The following TASP1 variants were observed in gnomAD, a reference collection of about 807,000 sequenced individuals.
TASP1 encodes the protein threonine aspartase 1.
TASP1 carries 16 observed loss-of-function variants against 56.6 expected under a neutral mutation model. The ratio of observed to expected loss-of-function variants is 0.28; its 90% CI spans 0.19 to 0.43. The LOEUF (loss-of-function observed/expected upper bound fraction) is 0.43. Among genes scored for constraint, TASP1 ranks in the 20% least tolerant of loss-of-function variants. TASP1 has a pLI of 1.00. For missense variants in TASP1, 393 were observed against 511.6 expected, an observed-to-expected ratio of 0.77 and a Z score of 2.24; for synonymous variants, 179 against 184.2, an observed-to-expected ratio of 0.97 and a Z score of 0.23.
At chr20:13,230,808 A>G in the TASP1 span, among the ~76,000 whole-genome samples, 8 of 152,204 alleles carry the variant, frequency 5.3e-5, no homozygotes, top group Admixed American at 5.2e-4. Flanking sequence ...ACCTTATACA[A>G]TTCCTTTTTA....
At chr20:13,249,733 G>A in the TASP1 span, among the ~76,000 whole-genome samples, 2 of 152,308 alleles carry the variant, frequency 1.3e-5, no homozygotes, top group South Asian at 4.1e-4. Context: ...GCCAAAGGAA[G>A]TACTTCTCCT....
chr20:13,345,688 G>C, the TASP1 span, among the ~76,000 whole-genome samples: 1 of 151,872 alleles, frequency 6.6e-6, no homozygotes, highest in Non-Finnish European at 1.5e-5. Flanking sequence ...AATGGCCCCT[G>C]GCACTGGAAT....
intron 4 of TASP1, among the ~76,000 whole-genome samples, chr20:13,618,925 T>C (rs959497953): frequency 2.0e-5 from 3 of 152,074 alleles, no homozygotes; most frequent in Non-Finnish European, 4.4e-5. Flanking sequence ...TGGAGTGCAG[T>C]GGCACAGTCT....
chr20:13,297,358 C>T, the TASP1 span, among the ~76,000 whole-genome samples: 2 of 152,172 alleles, frequency 1.3e-5, no homozygotes, highest in Admixed American at 1.3e-4. Context: ...CAGTTCCTTA[C>T]AGTGGTTACT....
the TASP1 span, among the ~76,000 whole-genome samples, chr20:13,118,089 C>G: frequency 7.2e-5 from 11 of 151,930 alleles, no homozygotes; most frequent in Admixed American, 3.3e-4. Context: ...ATTTAACACA[C>G]AGAGAGAATA....
intron 12 of TASP1, among the ~76,000 whole-genome samples, chr20:13,422,943 A>G (rs2042495379): frequency 6.6e-6 from 1 of 152,374 alleles, no homozygotes; most frequent in Admixed American, 6.5e-5. Flanking sequence ...TAACAAATAC[A>G]GAATCCAGGA....
chr20:13,519,477 CA>C (rs1218208980), intron 10 of TASP1, among the ~76,000 whole-genome samples: 1 of 152,142 alleles, frequency 6.6e-6, no homozygotes, highest in Non-Finnish European at 1.5e-5. Context: ...ATACGAAAAT[CA>C]ATAAATGTAA....
chr20:13,248,158 G>A, the TASP1 span, among the ~76,000 whole-genome samples: 1 of 152,314 alleles, frequency 6.6e-6, no homozygotes, highest in Non-Finnish European at 1.5e-5. Flanking sequence ...ATTCATAGTA[G>A]TACATTTCTT....
At chr20:13,363,366 A>C in the TASP1 span, among the ~76,000 whole-genome samples, 1 of 152,148 alleles carries the variant, frequency 6.6e-6, no homozygotes, top group African/African-American at 2.4e-5. Flanking sequence ...CAATTTATTC[A>C]TATGCTAGGA....
the TASP1 span, among the ~76,000 whole-genome samples, chr20:13,124,361 A>G: frequency 1.3e-5 from 2 of 151,726 alleles, no homozygotes; most frequent in African/African-American, 4.8e-5. Context: ...GAGGAAGGGA[A>G]GAAGGGAGGG....
chr20:13,280,225 A>G, the TASP1 span, among the ~76,000 whole-genome samples: 1 of 152,062 alleles, frequency 6.6e-6, no homozygotes, highest in Non-Finnish European at 1.5e-5. Context: ...TCTCCAATTA[A>G]CTTCCTTGTA....
rs749785843 is a variant in TASP1, at chr20:13,549,017, A to G, written c.675+9991T>C. Among the ~76,000 whole-genome samples, 5 of 152,304 alleles carry G rather than the reference A, an allele frequency of 3.3e-5. No individual in the cohort carries two copies. The South Asian group carries it at 6.2e-4, about 19-fold the overall frequency. ...GGAAGTTTGGACATACTCCATGTTG[A>G]CAATGAATATGTATTAAGAGTATTA... On this transcript the variant is annotated intron_variant, in intron 8 of 13. Coordinates refer to ENST00000337743, the MANE Select transcript of TASP1 (RefSeq NM_017714.3).
At chr20:13,193,628 T>C in the TASP1 span, among the ~76,000 whole-genome samples, 1 of 152,192 alleles carries the variant, frequency 6.6e-6, no homozygotes, top group Non-Finnish European at 1.5e-5. Flanking sequence ...GGGTTTAGAT[T>C]TCTCACCTAA....
At chr20:13,579,399 C>T (rs971112538) in intron 6 of TASP1, among the ~76,000 whole-genome samples, 1 of 150,714 alleles carries the variant, frequency 6.6e-6, no homozygotes, top group East Asian at 1.9e-4. Flanking sequence ...GACGGAGTCT[C>T]GCTCTGTTGG....
intron 7 of TASP1, among the ~76,000 whole-genome samples, chr20:13,562,061 T>C (rs188712801): frequency 1.8e-3 from 270 of 152,284 alleles, no homozygotes; most frequent in Non-Finnish European, 2.4e-3. Flanking sequence ...CAAATCTCAA[T>C]AGATTGTAAA....
At chr20:13,297,939 T>C in the TASP1 span, among the ~76,000 whole-genome samples, 943 of 152,202 alleles carry the variant, frequency 6.2e-3, 11 homozygotes, top group African/African-American at 0.021. Context: ...CGCCTTGCCA[T>C]GTGAATTTGC....
At chr20:13,618,125 G>A (rs2048585515) in intron 4 of TASP1, among the ~76,000 whole-genome samples, 1 of 151,930 alleles carries the variant, frequency 6.6e-6, no homozygotes, top group South Asian at 2.1e-4. Context: ...GAAATGAAGA[G>A]CTAGCTGGGC....
the TASP1 span, among the ~76,000 whole-genome samples, chr20:13,359,952 T>C: frequency 6.6e-6 from 1 of 152,098 alleles, no homozygotes; most frequent in Admixed American, 6.5e-5. Flanking sequence ...AATGCCAATA[T>C]CCCATCCTGC....
chr20:13,512,224 A>G (rs1253417808), intron 10 of TASP1, among the ~76,000 whole-genome samples: 1 of 152,134 alleles, frequency 6.6e-6, no homozygotes, highest in Non-Finnish European at 1.5e-5. Context: ...TCCTACCAAC[A>G]GTGTAAAAGT....
Sources: allele counts gnomAD v4.1 joint callset (sites outside exome capture counted in the v4.1 genomes callset), GRCh38; gene constraint gnomAD v4.1.1; transcripts MANE v1.5; gene names NCBI Gene and HGNC (gene_info 2026-07-23, HGNC 2026-07-21).